Variants in SCCPDH observed in about 807,000 individuals in gnomAD.
SCCPDH encodes the protein saccharopine dehydrogenase-like oxidoreductase.
Under a neutral mutation model 51.5 loss-of-function variants are expected in SCCPDH, and 34 were observed. The ratio of observed to expected loss-of-function variants is 0.66; its 90% confidence interval spans 0.50 to 0.88. The LOEUF is 0.88. Among genes scored for constraint, SCCPDH ranks in the 40% least tolerant of loss-of-function variants. SCCPDH has a pLI of 0.00. For synonymous variants in SCCPDH, 187 were observed against 191.3 expected (o/e 0.98, Z 0.19); for missense variants, 464 against 527.1 (o/e 0.88, Z 1.17).
intron 2 of SCCPDH, 35 bp from the exon 3 acceptor site, chr1:246,735,940 C>T (rs770053028): frequency 7.2e-7 from 1 of 1,396,578 alleles, no homozygotes. Context: ...ACTTGTCAAG[C>T]AAGAATAACC....
intron 4 of SCCPDH, among the ~76,000 whole-genome samples, chr1:246,740,718 G>T (rs1290553198): frequency 6.6e-6 from 1 of 152,164 alleles, no homozygotes; most frequent in South Asian, 2.1e-4. Flanking sequence ...TTTAAGAATG[G>T]AGAAAATAAT....
In SCCPDH at chr1:246,737,233, T is replaced by TAA. The variant is rs11374908; in HGVS notation, c.384+1191_384+1192dup. On this transcript the variant is annotated intron_variant, in intron 3 of 11. Coordinates refer to ENST00000366510, the MANE Select transcript of SCCPDH (RefSeq NM_016002.3). ...TTGATTCAAAAAGGAGGAAACAAAT[T>TAA]AAAAAAAAAAAAAAGCCCAGGCGAG... is the stretch of plus-strand genomic sequence containing the variant. Among the ~76,000 whole-genome samples, 525 of 142,972 alleles carry TAA rather than the reference T, an allele frequency of 3.7e-3. 4 individuals are homozygous for TAA. Among genetic ancestry groups the TAA allele is most frequent in the Non-Finnish European group, 4.0e-3 (264 of 65,908 alleles). The allele number at this position is 142,972 out of a possible 152,430, so 93.8% of individuals were successfully genotyped here. A position where few individuals can be genotyped will look rare whatever the true frequency, so the allele number is the denominator to read the frequency against.
chr1:246,741,494 C>T (rs1668675485), intron 4 of SCCPDH, among the ~76,000 whole-genome samples: 1 of 152,060 alleles, frequency 6.6e-6, no homozygotes, highest in South Asian at 2.1e-4. Context: ...GATGAGTTCT[C>T]ACTATGTTGC....
intron 9 of SCCPDH, among the ~76,000 whole-genome samples, chr1:246,760,601 C>T (rs1031713228): frequency 1.3e-5 from 2 of 152,198 alleles, no homozygotes; most frequent in Non-Finnish European, 2.9e-5. Context: ...CCTCTGCCCC[C>T]AGTTTCACTT....
chr1:246,730,569 C>T (rs1303046703), intron 2 of SCCPDH, among the ~76,000 whole-genome samples: 1 of 152,248 alleles, frequency 6.6e-6, no homozygotes, highest in Non-Finnish European at 1.5e-5. Context: ...CTGCTGTGTC[C>T]TGTCTTCAAC....
chr1:246,736,087 T>G lies in SCCPDH; in HGVS notation c.384+32T>G, dbSNP rs1382902695. 2.7e-6 allele frequency: 4 copies of G among 1,460,110 alleles called. No homozygotes were observed. In the African/African-American group the frequency reaches 5.6e-5, roughly 21 times the overall value. The allele number at this position is 1,460,110 out of a possible 1,614,324, so 90.4% of individuals were successfully genotyped here. A position where few individuals can be genotyped will look rare whatever the true frequency, so the allele number is the denominator to read the frequency against. On this transcript the variant is annotated intron_variant, in intron 3 of 11. Coordinates refer to ENST00000366510, the MANE Select transcript of SCCPDH (RefSeq NM_016002.3). Reference sequence around the variant, plus strand: ...AAAATAAAAAGGAAAAACGTAGAATTAACACATAAATTTCGGTTTAATGAA... The same window carrying G: ...AAAATAAAAAGGAAAAACGTAGAATGAACACATAAATTTCGGTTTAATGAA...
chr1:246,749,535 ACT>A (rs1343285791), intron 5 of SCCPDH, among the ~76,000 whole-genome samples: 1 of 152,114 alleles, frequency 6.6e-6, no homozygotes, highest in African/African-American at 2.4e-5. Flanking sequence ...AAGGGGAAGA[ACT>A]CTGGGGAGCA....
chr1:246,742,336 T>G (rs1668694234), intron 4 of SCCPDH, among the ~76,000 whole-genome samples: 1 of 152,256 alleles, frequency 6.6e-6, no homozygotes, highest in Admixed American at 6.5e-5. Flanking sequence ...TAAGCCTTTT[T>G]TTCCTTCATA....
intron 5 of SCCPDH, among the ~76,000 whole-genome samples, chr1:246,754,211 CAG>C (rs1487620721): frequency 3.9e-5 from 6 of 152,046 alleles, no homozygotes; most frequent in Admixed American, 6.5e-5. Context: ...GGTCTGTGCA[CAG>C]AGTTACCTGG....
intron 5 of SCCPDH, among the ~76,000 whole-genome samples, chr1:246,744,499 T>G (rs531875370): frequency 2.7e-4 from 41 of 152,058 alleles, no homozygotes; most frequent in Non-Finnish European, 5.4e-4. Context: ...TTTTGTATTT[T>G]TAGTAGAGAC....
chr1:246,764,234 TCTC>T lies in SCCPDH; in HGVS notation c.991-9_991-7del. 3.8e-6 allele frequency: 6 copies of T among 1,581,312 alleles called. No individual in the cohort carries two copies. Among genetic ancestry groups the T allele is most frequent in the Non-Finnish European group, 5.2e-6 (6 of 1,152,260 alleles). ...TATTTATGAAATGCGCCCTTTGCCT[TCTC>T]CTTCACAGATTGATGCTGCCTCATT... On this transcript the variant is annotated splice_polypyrimidine_tract_variant and intron_variant, in intron 9 of 11. Transcript: ENST00000366510.
intron 1 of SCCPDH, among the ~76,000 whole-genome samples, chr1:246,726,633 T>G (rs1433558575): frequency 6.6e-6 from 1 of 152,224 alleles, no homozygotes; most frequent in African/African-American, 2.4e-5. Context: ...GGGTTGTTAT[T>G]TACACAACGC....
At chr1:246,761,563 G>A (rs578174756) in intron 9 of SCCPDH, among the ~76,000 whole-genome samples, 1 of 151,916 alleles carries the variant, frequency 6.6e-6, no homozygotes, top group Middle Eastern at 3.4e-3. Flanking sequence ...CCTCATTTCC[G>A]CCCTCCCCCA....
At chr1:246,752,960 C>T (rs925315103) in intron 5 of SCCPDH, among the ~76,000 whole-genome samples, 1 of 151,440 alleles carries the variant, frequency 6.6e-6, no homozygotes, top group Non-Finnish European at 1.5e-5. Flanking sequence ...TTTGCCTCTT[C>T]GTCTGTGTCT....
Position 246,740,432 on chromosome 1 carries a change from G to A in SCCPDH, c.514+131G>A, listed in dbSNP as rs886120636. ...CATAAATGGGTAATATTAAACACATGTTTTGTTTTTAATATAGCTGCACTT... is the reference window on the plus strand; with the variant it reads ...CATAAATGGGTAATATTAAACACATATTTTGTTTTTAATATAGCTGCACTT... On this transcript the variant is annotated intron_variant, in intron 4 of 11. Coordinates refer to ENST00000366510, the MANE Select transcript of SCCPDH (RefSeq NM_016002.3). The A allele has an allele frequency of 1.3e-5, 9 of 687,692 alleles. No homozygotes were observed. The African/African-American group carries it at 1.6e-4, about 12-fold the overall frequency. The allele number at this position is 687,692 out of a possible 1,614,324, so 42.6% of individuals were successfully genotyped here.
intron 2 of SCCPDH, among the ~76,000 whole-genome samples, chr1:246,734,595 G>A (rs1430042200): frequency 1.3e-5 from 2 of 152,120 alleles, no homozygotes; most frequent in Non-Finnish European, 2.9e-5. Context: ...AGTGTTATCC[G>A]CCATTCTTAG....
chr1:246,766,250 G>A (rs956047199), intron 11 of SCCPDH, 111 bp downstream of exon 11: 54 of 730,078 alleles, frequency 7.4e-5, no homozygotes, highest in Non-Finnish European at 1.2e-4. Flanking sequence ...TTATAGTTCA[G>A]TTCCTTTGCT....
At chr1:246,764,623 G>A (rs1459826959) in intron 10 of SCCPDH, among the ~76,000 whole-genome samples, 1 of 152,210 alleles carries the variant, frequency 6.6e-6, no homozygotes, top group African/African-American at 2.4e-5. Context: ...AATAGGAAAA[G>A]GGATTGGTTG....
intron 3 of SCCPDH, among the ~76,000 whole-genome samples, chr1:246,738,155 C>T (rs1344531468): frequency 6.6e-6 from 1 of 152,096 alleles, no homozygotes; most frequent in Admixed American, 6.5e-5. Context: ...AAGATTGCGC[C>T]ACTGCACTCC....
Sources: allele counts gnomAD v4.1 joint callset (sites outside exome capture counted in the v4.1 genomes callset), GRCh38; gene constraint gnomAD v4.1.1; transcripts MANE v1.5; gene names NCBI Gene and HGNC (gene_info 2026-07-23, HGNC 2026-07-21).